Variants in LRRFIP2 observed in about 807,000 individuals in gnomAD.
LRRFIP2 encodes leucine-rich repeat flightless-interacting protein 2.
A neutral mutation model predicts 125.9 loss-of-function variants in LRRFIP2; 109 were observed. That is an observed-to-expected ratio of 0.87 (90% CI 0.74 to 1.01). LRRFIP2 has a LOEUF of 1.01. Among genes scored for constraint, LRRFIP2 ranks in the 50% least tolerant of loss-of-function variants. The pLI is 0.00. For synonymous variants in LRRFIP2, 291 were observed against 293.1 expected, an observed-to-expected ratio of 0.99 and a Z score of 0.07; for missense variants, 850 against 862.3, an observed-to-expected ratio of 0.99 and a Z score of 0.18.
In LRRFIP2 at chr3:37,102,970, C is replaced by T; in HGVS notation, c.827G>A (p.Ser276Asn). The change falls in exon 15 of 28, where the codon AGT becomes AAT. Residue 276 changes from serine (S) to asparagine (N), a missense_variant. Physicochemically the swap from Ser to Asn is conservative, Grantham distance 46 (BLOSUM62 1). Transcript: ENST00000336686. ...GATATCATCCACCTCAGAGACAACA[C>T]TTCCCCTACGATTGGAGCGACTGAA... Reference protein sequence around the residue: ...DYFSRSNRRGSVVSEVDDISI... With the variant: ...DYFSRSNRRGNVVSEVDDISI... The T allele has an allele frequency of 1.9e-6, 3 of 1,566,670 alleles. No individual in the cohort carries two copies. Among genetic ancestry groups the T allele is most frequent in the Non-Finnish European group, 2.6e-6 (3 of 1,153,772 alleles).
At chr3:37,138,179 G>A (rs1180310694) in intron 2 of LRRFIP2, among the ~76,000 whole-genome samples, 1 of 152,210 alleles carries the variant, frequency 6.6e-6, no homozygotes, top group Non-Finnish European at 1.5e-5. Flanking sequence ...ATTCTGTGAT[G>A]CCCAATACCC....
chr3:37,066,174 T>C lies in LRRFIP2; in HGVS notation c.1566+50A>G, dbSNP rs951781307. The C allele has an allele frequency of 8.8e-6, 13 of 1,483,160 alleles. No homozygotes were observed. In the African/African-American group the frequency reaches 9.7e-5, roughly 11 times the overall value. 91.9% of individuals were successfully genotyped at this position (1,483,160 alleles called of 1,614,324 possible). Reference sequence around the variant, plus strand: ...GATGGCAGGATGAAAGGAAGGAAGATAGAGAGTAAAACAGTGAGGGACCTG... The same window carrying C: ...GATGGCAGGATGAAAGGAAGGAAGACAGAGAGTAAAACAGTGAGGGACCTG... On this transcript the variant is annotated intron_variant, in intron 22 of 27. Transcript: ENST00000336686.
intron 21 of LRRFIP2, among the ~76,000 whole-genome samples, chr3:37,072,238 C>T (rs930944293): frequency 1.2e-4 from 18 of 152,072 alleles, no homozygotes; most frequent in African/African-American, 4.1e-4. Context: ...TGGTGGCTCA[C>T]GCCTATAATC....
intron 1 of LRRFIP2, among the ~76,000 whole-genome samples, chr3:37,163,300 G>A (rs927058739): frequency 6.6e-6 from 1 of 152,196 alleles, no homozygotes; most frequent in Non-Finnish European, 1.5e-5. Context: ...CCATGGCAGA[G>A]ATTGGCTCAT....
chr3:37,137,119 C>T (rs957045607), intron 2 of LRRFIP2, among the ~76,000 whole-genome samples: 1 of 151,962 alleles, frequency 6.6e-6, no homozygotes, highest in African/African-American at 2.4e-5. Context: ...TAGGCATACA[C>T]CACCACATCC....
At chr3:37,101,936 T>A (rs1576594691) in intron 15 of LRRFIP2, among the ~76,000 whole-genome samples, 1 of 152,166 alleles carries the variant, frequency 6.6e-6, no homozygotes, top group Admixed American at 6.5e-5. Context: ...TCCTGATGAA[T>A]GTGGGAGCAA....
At chr3:37,121,841 CGT>C (rs60540567) in intron 4 of LRRFIP2, 150 bp from the exon 5 acceptor site, 48,012 of 517,368 alleles carry the variant, frequency 0.093, 1,322 homozygotes, top group East Asian at 0.15. Context: ...CAGCCACATT[CGT>C]GTGTGTGTGT....
chr3:37,103,103 T>C (rs2094155187), intron 14 of LRRFIP2, 90 bp from the exon 15 acceptor site: 5 of 954,912 alleles, frequency 5.2e-6, no homozygotes, highest in South Asian at 3.3e-5. Context: ...GAAAAGTTTT[T>C]TAAAATTTTG....
At chr3:37,069,341 A>G (rs918391847) in intron 21 of LRRFIP2, among the ~76,000 whole-genome samples, 1 of 152,258 alleles carries the variant, frequency 6.6e-6, no homozygotes, top group Non-Finnish European at 1.5e-5. Context: ...ATGTGTTGAT[A>G]TATCAACAGA....
chr3:37,106,193 G>A (rs548760098), intron 13 of LRRFIP2, among the ~76,000 whole-genome samples: 70 of 152,324 alleles, frequency 4.6e-4, no homozygotes, highest in African/African-American at 1.7e-3. Context: ...GTTTTTGTTT[G>A]AGAGAGAAAA....
intron 19 of LRRFIP2, among the ~76,000 whole-genome samples, 191 bp downstream of exon 19, chr3:37,083,445 A>T (rs1452917790): frequency 6.6e-6 from 1 of 152,216 alleles, no homozygotes; most frequent in Non-Finnish European, 1.5e-5. Context: ...CTTTTCCTCA[A>T]GAAAATATTT....
intron 2 of LRRFIP2, among the ~76,000 whole-genome samples, chr3:37,144,769 T>TG (rs754202284): frequency 7.2e-5 from 11 of 152,344 alleles, no homozygotes; most frequent in Middle Eastern, 3.4e-3. Flanking sequence ...GGTCTGGAAT[T>TG]GCCAGCCACA....
chr3:37,139,697 G>C (rs1250664181), intron 2 of LRRFIP2, among the ~76,000 whole-genome samples: 1 of 152,108 alleles, frequency 6.6e-6, no homozygotes, highest in Middle Eastern at 3.4e-3. Context: ...TCCTCCCCAG[G>C]ACTTTGTCCC....
intron 2 of LRRFIP2, among the ~76,000 whole-genome samples, chr3:37,132,133 AGAGTT>A (rs1335729786): frequency 2.6e-5 from 4 of 152,002 alleles, no homozygotes; most frequent in African/African-American, 9.7e-5. Context: ...GTTTCTTATT[AGAGTT>A]TTTTTTTTTT....
chr3:37,144,625 T>C (rs1045505729), intron 2 of LRRFIP2, among the ~76,000 whole-genome samples: 1 of 152,154 alleles, frequency 6.6e-6, no homozygotes, highest in Non-Finnish European at 1.5e-5. Context: ...CACACTCAAA[T>C]GACTTTAAAA....
intron 20 of LRRFIP2, among the ~76,000 whole-genome samples, chr3:37,073,748 T>G (rs1223116305): frequency 1.3e-5 from 2 of 152,232 alleles, no homozygotes; most frequent in Non-Finnish European, 2.9e-5. Context: ...CATTATATTC[T>G]TCTTAAATGC....
In LRRFIP2 at chr3:37,113,709, C is replaced by T. The variant is rs1421562331; in HGVS notation, c.373-729G>A. ...AAAACAGGACTGAGAGAACAAAGAACATGACATTAAACTGTCCCAGACAGT... is the reference window on the plus strand; with the variant it reads ...AAAACAGGACTGAGAGAACAAAGAATATGACATTAAACTGTCCCAGACAGT... On this transcript the variant is annotated intron_variant, in intron 7 of 27. Transcript: ENST00000336686. 2.6e-5 allele frequency among the ~76,000 whole-genome samples: 4 copies of T among 152,114 alleles called. No homozygotes were observed. The South Asian group carries it at 6.2e-4, about 24-fold the overall frequency.
intron 6 of LRRFIP2, among the ~76,000 whole-genome samples, chr3:37,120,267 C>A (rs1441681999): frequency 6.6e-6 from 1 of 151,798 alleles, no homozygotes; most frequent in Non-Finnish European, 1.5e-5. Flanking sequence ...CCACCACACC[C>A]GGCTAATTTT....
chr3:37,081,233 C>A (rs574743203), intron 19 of LRRFIP2, among the ~76,000 whole-genome samples: 1 of 152,232 alleles, frequency 6.6e-6, no homozygotes, highest in East Asian at 1.9e-4. Context: ...CAGAGCAAGA[C>A]CCTGTCTGTA....
Sources: allele counts gnomAD v4.1 joint callset (sites outside exome capture counted in the v4.1 genomes callset), GRCh38; gene constraint gnomAD v4.1.1; transcripts MANE v1.5; gene names NCBI Gene and HGNC (gene_info 2026-07-23, HGNC 2026-07-21).